ITSN2: variants seen among roughly 807,000 people sequenced by gnomAD.
The protein encoded by ITSN2 is intersectin-2.
A neutral mutation model predicts 243.7 loss-of-function variants in ITSN2; 156 were observed. That is an observed-to-expected ratio of 0.64 (90% CI 0.56 to 0.73). The LOEUF (loss-of-function observed/expected upper bound fraction) is 0.73. ITSN2 is among the 30% of genes least tolerant of loss of function. ITSN2 has a pLI of 0.00. For synonymous variants in ITSN2, 703 were observed against 699.9 expected, an observed-to-expected ratio of 1.00 and a Z score of -0.07; for missense variants, 1,801 against 1,996.1, an observed-to-expected ratio of 0.90 and a Z score of 1.86.
At chr2:24,218,064 C>A in intron 30 of ITSN2, 51 bp from the exon 31 acceptor site, 1 of 1,178,652 alleles carries the variant, frequency 8.5e-7, no homozygotes, top group Non-Finnish European at 1.3e-6. Flanking sequence ...GATACACAGC[C>A]TACGTGTGGT....
intron 2 of ITSN2, among the ~76,000 whole-genome samples, chr2:24,322,765 T>G (rs922918853): frequency 3.3e-5 from 5 of 152,092 alleles, no homozygotes; most frequent in Non-Finnish European, 7.4e-5. Context: ...TAAAGGACAC[T>G]CTTAAGAAAA....
intron 1 of ITSN2, among the ~76,000 whole-genome samples, chr2:24,359,516 A>G (rs2551148): frequency 0.98 from 148,956 of 152,322 alleles, 72,829 homozygotes; most frequent in East Asian, 0.99. Context: ...TGGTAATTCT[A>G]GAGCGACAAG....
chr2:24,209,555 GCA>G (rs1189724674), intron 35 of ITSN2, among the ~76,000 whole-genome samples: 1 of 152,230 alleles, frequency 6.6e-6, no homozygotes, highest in Non-Finnish European at 1.5e-5. Context: ...AATGCTGAAT[GCA>G]CACAGTGGTG....
chr2:24,335,613 C>T (rs1241202145), intron 1 of ITSN2, among the ~76,000 whole-genome samples: 1 of 151,936 alleles, frequency 6.6e-6, no homozygotes, highest in African/African-American at 2.4e-5. Context: ...GGATTACAAG[C>T]GAAAGCCACT....
Position 24,300,113 on chromosome 2 carries a change from C to G in ITSN2, c.1140G>C (p.Lys380Asn). 2.5e-6 allele frequency: 4 copies of G among 1,614,194 alleles called. No homozygotes were observed. Among genetic ancestry groups the G allele is most frequent in the Non-Finnish European group, 3.4e-6 (4 of 1,180,034 alleles). The change falls in exon 12 of 40, where the codon AAG (lysine) becomes AAC (asparagine). Residue 380 changes from lysine to asparagine, a missense_variant. Around this residue, in one of 5 missense-constraint regions of ITSN2, gnomAD observed 787 missense variants for 803.9 expected, o/e 0.98. Transcript: ENST00000355123. ...GCTGCTCCATCAAGGCTTGGCGTCGCTTTTCCAGCTCCATGTTCCCTCGCT... is the reference window on the plus strand; with the variant it reads ...GCTGCTCCATCAAGGCTTGGCGTCGGTTTTCCAGCTCCATGTTCCCTCGCT... ...NYERGNMELE[K>N]RRQALMEQQQ... is the part of the protein sequence containing the mutation.
upstream of ITSN2, chr2:24,360,546 C>T (rs1198680348): frequency 1.3e-5 from 2 of 152,254 alleles, no homozygotes; most frequent in Non-Finnish European, 2.9e-5. Flanking sequence ...CGCAGGAAGC[C>T]GGGGGGCGGG....
At chr2:24,234,282 A>AC (rs1671903926) in intron 29 of ITSN2, among the ~76,000 whole-genome samples, 1 of 151,892 alleles carries the variant, frequency 6.6e-6, no homozygotes, top group Admixed American at 6.6e-5. Context: ...AAATGCGAAA[A>AC]AAAAAAAAGA....
At chr2:24,293,838 G>A in intron 14 of ITSN2, 63 bp from the exon 15 acceptor site, 1 of 509,752 alleles carries the variant, frequency 2.0e-6, no homozygotes, top group Non-Finnish European at 3.5e-6. Context: ...AGTTTTTTTT[G>A]AAAACTTTAA....
At chr2:24,306,264 G>C (rs1682525725) in intron 8 of ITSN2, among the ~76,000 whole-genome samples, 1 of 152,152 alleles carries the variant, frequency 6.6e-6, no homozygotes, top group South Asian at 2.1e-4. Flanking sequence ...ACAGGTGTGA[G>C]CCACTGCACC....
chr2:24,260,964 A>G, intron 22 of ITSN2, 142 bp downstream of exon 22: 1 of 650,052 alleles, frequency 1.5e-6, no homozygotes, highest in South Asian at 2.7e-5. Flanking sequence ...CTTCAACTTC[A>G]CATCACATGT....
chr2:24,347,236 T>C (rs1165278565), intron 1 of ITSN2, among the ~76,000 whole-genome samples: 1 of 151,964 alleles, frequency 6.6e-6, no homozygotes, highest in Admixed American at 6.6e-5. Flanking sequence ...TTACCAATAT[T>C]AGAAAAAATA....
At chr2:24,222,676 T>TC in intron 29 of ITSN2, among the ~76,000 whole-genome samples, 1 of 136,996 alleles carries the variant, frequency 7.3e-6, no homozygotes, top group East Asian at 2.1e-4. Context: ...TTCTTTTTTT[T>TC]TTTTTTTTTT....
chr2:24,340,751 A>AACAC (rs34201222), intron 1 of ITSN2, among the ~76,000 whole-genome samples: 2 of 151,288 alleles, frequency 1.3e-5, no homozygotes, highest in East Asian at 1.9e-4. Context: ...AAGGAAAAAA[A>AACAC]ACACACACAC....
chr2:24,339,338 G>A (rs1686790468), intron 1 of ITSN2, among the ~76,000 whole-genome samples: 1 of 151,954 alleles, frequency 6.6e-6, no homozygotes, highest in Non-Finnish European at 1.5e-5. Context: ...GGGTGTGGCG[G>A]TGCATGCCTG....
chr2:24,224,638 T>C (rs1051224371), intron 29 of ITSN2, among the ~76,000 whole-genome samples: 28 of 30,752 alleles, frequency 9.1e-4, no homozygotes, highest in African/African-American at 2.0e-3. Context: ...CTCTTCAACT[T>C]TTTTTTTTTT....
At position 24,333,512 on chromosome 2, in the gene ITSN2, T is replaced by C. The variant is rs947846363; in HGVS notation, c.-33-5397A>G. On this transcript the variant is annotated intron_variant, in intron 1 of 39. Transcript: ENST00000355123. ...GGATGAAATGTAGTGACAGGCAATT[T>C]TGGCAAATTTGCAGTCATCATGTAT... is the stretch of plus-strand genomic sequence containing the variant. Among the ~76,000 whole-genome samples the C allele has an allele frequency of 5.9e-5, 9 of 152,330 alleles. No individual in the cohort carries two copies. The East Asian group carries it at 1.3e-3, about 23-fold the overall frequency.
intron 29 of ITSN2, among the ~76,000 whole-genome samples, chr2:24,237,032 G>A (rs1672241757): frequency 6.6e-6 from 1 of 151,910 alleles, no homozygotes; most frequent in Admixed American, 6.6e-5. Flanking sequence ...TAGTGCCGAA[G>A]TTCATTATTA....
In ITSN2 at chr2:24,335,099, A is replaced by C. The variant is rs1021294032; in HGVS notation, c.-33-6984T>G. On this transcript the variant is annotated intron_variant, in intron 1 of 39. Transcript: ENST00000355123. The stretch of plus-strand genomic sequence containing the variant: ...AAAAAAAAAAAAAAAAAAAAGATGC[A>C]AGCATTTTGAACTGGGAAGAGATAA... 27 of 200,412 alleles carry C rather than the reference A, an allele frequency of 1.3e-4. 1 individual carries two copies. The highest frequency in any genetic ancestry group is 4.6e-4 in the South Asian group (6 of 12,940). 12.4% of individuals were successfully genotyped at this position (200,412 alleles called of 1,614,324 possible).
intron 15 of ITSN2, among the ~76,000 whole-genome samples, chr2:24,289,607 G>A (rs1257112544): frequency 1.3e-5 from 2 of 152,048 alleles, no homozygotes; most frequent in Non-Finnish European, 2.9e-5. Flanking sequence ...TCTTGTCTGA[G>A]TAGTCCTGCT....
Sources: allele counts gnomAD v4.1 joint callset (sites outside exome capture counted in the v4.1 genomes callset), GRCh38; gene constraint gnomAD v4.1.1; regional missense constraint gnomAD v4.1.1; transcripts MANE v1.5; gene names NCBI Gene and HGNC (gene_info 2026-07-23, HGNC 2026-07-21).